The following DLGAP1 variants were observed in gnomAD, a reference collection of about 807,000 sequenced individuals.
DLGAP1 encodes the protein DLG associated protein 1.
A neutral mutation model predicts 90.8 loss-of-function variants in DLGAP1; 11 were observed. The observed-to-expected ratio is 0.12, with a 90% CI of 0.08 to 0.20. The LOEUF is 0.20. Among genes scored for constraint, DLGAP1 ranks in the 10% least tolerant of loss-of-function variants. The pLI is 1.00. For missense variants in DLGAP1, 1,050 were observed against 1,333.8 expected, an observed-to-expected ratio of 0.79 and a Z score of 3.31; for synonymous variants, 558 against 540.7, an observed-to-expected ratio of 1.03 and a Z score of -0.44.
intron 5 of DLGAP1, among the ~76,000 whole-genome samples, chr18:3,801,515 G>A (rs186227321): frequency 6.3e-4 from 96 of 152,198 alleles, no homozygotes; most frequent in Middle Eastern, 3.4e-3. Flanking sequence ...TTCAAATCCC[G>A]ACTGTGACAC....
intron 3 of DLGAP1, among the ~76,000 whole-genome samples, chr18:3,947,912 T>C (rs907337480): frequency 6.6e-6 from 1 of 152,318 alleles, no homozygotes; most frequent in Admixed American, 6.5e-5. Context: ...GTAATACATC[T>C]TGTCTCTGTT....
At chr18:3,830,591 T>A (rs1269160420) in intron 4 of DLGAP1, among the ~76,000 whole-genome samples, 1 of 152,108 alleles carries the variant, frequency 6.6e-6, no homozygotes, top group African/African-American at 2.4e-5. Context: ...AACAGGAAAT[T>A]TATAGACTCA....
chr18:3,714,141 C>A lies in DLGAP1; in HGVS notation c.1591+14994G>T, dbSNP rs377085789. On this transcript the variant is annotated intron_variant, in intron 7 of 12. Coordinates refer to ENST00000315677, the MANE Select transcript of DLGAP1 (RefSeq NM_004746.4). The stretch of plus-strand genomic sequence containing the variant: ...CTTTTTTAAAAAAACAATTTTGATT[C>A]GAAATTAATTCCAGGGGAGACAGAT... Among the ~76,000 whole-genome samples the A allele has an allele frequency of 7.9e-5, 12 of 152,070 alleles. No homozygotes were observed. The East Asian group carries it at 2.1e-3, about 27-fold the overall frequency.
intron 8 of DLGAP1, among the ~76,000 whole-genome samples, chr18:3,580,010 ACT>A (rs1393790826): frequency 6.6e-6 from 1 of 151,834 alleles, no homozygotes; most frequent in African/African-American, 2.4e-5. Flanking sequence ...CTGCAAGTCC[ACT>A]CTCTTTTCTA....
At chr18:4,005,714 T>G (rs2074287505) in intron 2 of DLGAP1, among the ~76,000 whole-genome samples, 1 of 152,160 alleles carries the variant, frequency 6.6e-6, no homozygotes, top group Admixed American at 6.5e-5. Context: ...GATAGGAGCC[T>G]TCTCCATCAC....
chr18:4,023,554 C>G (rs891426478), intron 2 of DLGAP1, among the ~76,000 whole-genome samples: 3 of 152,160 alleles, frequency 2.0e-5, no homozygotes, highest in Admixed American at 2.0e-4. Context: ...CTTGTCATAA[C>G]CTGACTCAAA....
At chr18:4,298,059 T>C (rs1316256735) in intron 1 of DLGAP1, among the ~76,000 whole-genome samples, 1 of 152,086 alleles carries the variant, frequency 6.6e-6, no homozygotes, top group Non-Finnish European at 1.5e-5. Context: ...TGCATAAAAC[T>C]GTGCAAGGCT....
In DLGAP1 at chr18:4,118,909, A is replaced by G. The variant is rs997804314; in HGVS notation, c.-159+32271T>C. 2.7e-4 allele frequency among the ~76,000 whole-genome samples: 41 copies of G among 152,108 alleles called. 1 individual carries two copies. Among genetic ancestry groups the G allele is most frequent in the Non-Finnish European group, 2.9e-5 (2 of 68,014 alleles). ...CTTTCCTCCTGATAAATGGATGTTT[A>G]CTGGGGAGAGATTCTGAGGGACTCT... On this transcript the variant is annotated intron_variant, in intron 2 of 12. Transcript: ENST00000315677.
At chr18:4,131,359 A>G (rs1213175814) in intron 2 of DLGAP1, among the ~76,000 whole-genome samples, 1 of 152,242 alleles carries the variant, frequency 6.6e-6, no homozygotes, top group Admixed American at 6.5e-5. Context: ...GTGATATTTA[A>G]AAGTAAAACA....
intron 7 of DLGAP1, among the ~76,000 whole-genome samples, chr18:3,706,937 G>C (rs933497007): frequency 2.0e-5 from 3 of 152,178 alleles, no homozygotes; most frequent in Non-Finnish European, 2.9e-5. Flanking sequence ...ACTGAGTTTG[G>C]GAATGGGCGG....
intron 1 of DLGAP1, among the ~76,000 whole-genome samples, chr18:4,332,675 A>G (rs922438766): frequency 6.6e-6 from 1 of 151,966 alleles, no homozygotes; most frequent in Non-Finnish European, 1.5e-5. Context: ...TCTGGGGCTG[A>G]TACCTCAAAT....
intron 3 of DLGAP1, among the ~76,000 whole-genome samples, chr18:3,958,924 T>C (rs1172964280): frequency 2.0e-5 from 3 of 152,214 alleles, no homozygotes; most frequent in African/African-American, 4.8e-5. Context: ...GGAAGGCTTC[T>C]AGTTATCTTA....
At chr18:3,741,106 C>CCACCA (rs1568048433) in intron 6 of DLGAP1, among the ~76,000 whole-genome samples, 27 of 123,950 alleles carry the variant, frequency 2.2e-4, no homozygotes, top group African/African-American at 9.7e-4. Context: ...ACCACCATCA[C>CCACCA]CATCACCACC....
chr18:3,529,859 C>G (rs961754970), intron 10 of DLGAP1, among the ~76,000 whole-genome samples: 1 of 152,204 alleles, frequency 6.6e-6, no homozygotes, highest in East Asian at 1.9e-4. Context: ...AATACAAATA[C>G]GTTTCTCTTT....
intron 1 of DLGAP1, among the ~76,000 whole-genome samples, chr18:4,189,726 A>G (rs997110222): frequency 3.3e-5 from 5 of 152,198 alleles, no homozygotes; most frequent in Admixed American, 2.6e-4. Context: ...GTGAAACTAC[A>G]ATGATTAAGA....
chr18:3,813,683 T>C (rs2066950159), intron 5 of DLGAP1, among the ~76,000 whole-genome samples: 1 of 152,104 alleles, frequency 6.6e-6, no homozygotes, highest in African/African-American at 2.4e-5. Context: ...TAAGAAAAAG[T>C]TCTTGTGTGT....
chr18:4,180,605 A>C (rs1354906959), intron 1 of DLGAP1, among the ~76,000 whole-genome samples: 1 of 152,150 alleles, frequency 6.6e-6, no homozygotes, highest in African/African-American at 2.4e-5. Flanking sequence ...AATAAATATT[A>C]AATACAAAAA....
intron 2 of DLGAP1, among the ~76,000 whole-genome samples, chr18:4,132,372 C>A (rs2076330057): frequency 6.6e-6 from 1 of 152,054 alleles, no homozygotes; most frequent in African/African-American, 2.4e-5. Flanking sequence ...GCATAAAACG[C>A]TTATTAATTG....
chr18:3,688,976 T>C lies in DLGAP1; in HGVS notation c.1591+40159A>G, dbSNP rs73368666. On this transcript the variant is annotated intron_variant, in intron 7 of 12. Coordinates refer to ENST00000315677, the MANE Select transcript of DLGAP1 (RefSeq NM_004746.4). ...GGGCTTAGCTCATTCACACTCAGTT[T>C]ACCTTTAGCGGATCTGGTTTCATGC... is the stretch of plus-strand genomic sequence containing the variant. 9.8e-3 allele frequency among the ~76,000 whole-genome samples: 1,498 copies of C among 152,292 alleles called. 13 individuals carry two copies. Among genetic ancestry groups the C allele is most frequent in the African/African-American group, 0.029 (1,211 of 41,554 alleles).
Sources: gnomAD v4.1 joint callset for allele counts (sites outside exome capture counted in the v4.1 genomes callset) on GRCh38, gnomAD v4.1.1 for gene constraint, MANE v1.5 for transcripts, NCBI Gene and HGNC (gene_info 2026-07-23, HGNC 2026-07-21) for gene names.